Variants in FAM193A observed in about 807,000 individuals in gnomAD.
The protein encoded by FAM193A is family with sequence similarity 193 member A.
A neutral mutation model predicts 126.5 loss-of-function variants in FAM193A; 22 were observed. The observed-to-expected ratio is 0.17, with a 90% CI of 0.12 to 0.25. FAM193A has a LOEUF of 0.25. Among genes scored for constraint, FAM193A ranks in the 10% least tolerant of loss-of-function variants. The pLI is 1.00. For synonymous variants in FAM193A, 761 were observed against 646.8 expected (o/e 1.18, Z -2.68); for missense variants, 1,675 against 1,672.8 (o/e 1.00, Z -0.02).
intron 19 of FAM193A, chr4:2,708,134 G>A: frequency 2.2e-6 from 1 of 446,850 alleles, no homozygotes. Context: ...TTGTTTGTTT[G>A]TTTATTTCGA....
chr4:2,600,234 C>T (rs1274300059), intron 2 of FAM193A, among the ~76,000 whole-genome samples: 1 of 152,220 alleles, frequency 6.6e-6, no homozygotes, highest in African/African-American at 2.4e-5. Context: ...CCCTATCAGT[C>T]CATGGATTCC....
chr4:2,607,128 G>A (rs1352859443), intron 2 of FAM193A, among the ~76,000 whole-genome samples: 1 of 152,210 alleles, frequency 6.6e-6, no homozygotes, highest in East Asian at 1.9e-4. Flanking sequence ...AGAAATAAAT[G>A]CTCTGTGTAT....
At chr4:2,548,821 T>C (rs553208264) in intron 1 of FAM193A, among the ~76,000 whole-genome samples, 5 of 152,104 alleles carry the variant, frequency 3.3e-5, no homozygotes, top group South Asian at 2.1e-4. Flanking sequence ...ATTTTTTCTT[T>C]TGTGGATCAT....
At chr4:2,573,403 C>T (rs990129649) in intron 1 of FAM193A, among the ~76,000 whole-genome samples, 9 of 151,922 alleles carry the variant, frequency 5.9e-5, no homozygotes, top group African/African-American at 1.9e-4. Flanking sequence ...ATCCCAGCTA[C>T]TCTGGAGGCT....
chr4:2,678,615 G>A (rs932114846), intron 13 of FAM193A, among the ~76,000 whole-genome samples: 4 of 151,912 alleles, frequency 2.6e-5, no homozygotes, highest in Non-Finnish European at 2.9e-5. Flanking sequence ...CGCCCGCCTC[G>A]GCTTCCCAAA....
At chr4:2,724,146 A>G (rs1226666326) in intron 20 of FAM193A, among the ~76,000 whole-genome samples, 1 of 152,106 alleles carries the variant, frequency 6.6e-6, no homozygotes, top group Non-Finnish European at 1.5e-5. Flanking sequence ...GTGTATTACT[A>G]TTAATTGTAG....
At chr4:2,633,603 A>G (rs1350103270) in intron 5 of FAM193A, among the ~76,000 whole-genome samples, 1 of 151,750 alleles carries the variant, frequency 6.6e-6, no homozygotes, top group East Asian at 1.9e-4. Context: ...TAGATAATAA[A>G]AAAATAAGCC....
intron 2 of FAM193A, among the ~76,000 whole-genome samples, chr4:2,603,240 C>G (rs1016672445): frequency 2.0e-5 from 3 of 148,756 alleles, no homozygotes; most frequent in Admixed American, 1.3e-4. Context: ...CCACCTCGGC[C>G]TCCTGATTGC....
chr4:2,720,593 A>C (rs1720019735), intron 20 of FAM193A, among the ~76,000 whole-genome samples: 1 of 151,746 alleles, frequency 6.6e-6, no homozygotes, highest in South Asian at 2.1e-4. Context: ...CCAAGGCTAC[A>C]GTGAGCCAAG....
At chr4:2,579,620 G>A (rs1739806175) in intron 1 of FAM193A, among the ~76,000 whole-genome samples, 1 of 152,118 alleles carries the variant, frequency 6.6e-6, no homozygotes, top group African/African-American at 2.4e-5. Context: ...GATTGCTTAA[G>A]CTTGGGGAGT....
intron 7 of FAM193A, among the ~76,000 whole-genome samples, chr4:2,656,897 T>TGGCTCAC (rs1175469709): frequency 2.0e-5 from 3 of 152,228 alleles, no homozygotes; most frequent in Admixed American, 2.0e-4. Context: ...GCGGGCACAG[T>TGGCTCAC]GGCTCACGCT....
chr4:2,719,705 A>G (rs1394308367), intron 20 of FAM193A, among the ~76,000 whole-genome samples: 1 of 146,386 alleles, frequency 6.8e-6, no homozygotes, highest in African/African-American at 2.6e-5. Context: ...AGATTGCACC[A>G]TTGTACTCCA....
intron 1 of FAM193A, among the ~76,000 whole-genome samples, chr4:2,573,268 T>A (rs1739396317): frequency 6.6e-6 from 1 of 152,082 alleles, no homozygotes. Flanking sequence ...ATCCCAGCAC[T>A]TTGGGAGGCT....
At chr4:2,648,893 A>G (rs1398316530) in intron 7 of FAM193A, among the ~76,000 whole-genome samples, 1 of 151,776 alleles carries the variant, frequency 6.6e-6, no homozygotes. Flanking sequence ...CCAGGTCACC[A>G]CTCCCTGGGA....
At position 2,731,747 on chromosome 4, in the gene FAM193A, G is replaced by A. The variant is rs779626860; in HGVS notation, c.4455-28G>A. On this transcript the variant is annotated intron_variant, in intron 20 of 20. Transcript: ENST00000637812. ...GCTTGGTTGTGGGCTGTTTCCTTCAGTGACTGTTTGGCTTTTTGTCTTTGC... is the reference window on the plus strand; with the variant it reads ...GCTTGGTTGTGGGCTGTTTCCTTCAATGACTGTTTGGCTTTTTGTCTTTGC... 5.1e-6 allele frequency: 8 copies of A among 1,582,398 alleles called. No individual in the cohort carries two copies. In the African/African-American group the frequency reaches 9.4e-5, roughly 19 times the overall value.
In FAM193A at chr4:2,663,257, A is replaced by G. The variant is rs1712699865; in HGVS notation, c.2048A>G (p.Asp683Gly). Residue 683 changes from aspartate to glycine, a missense_variant, in exon 12 of 21, where the codon GAC (aspartate) becomes GGC (glycine). Physicochemically the swap from Asp to Gly is moderately conservative, Grantham distance 94 (BLOSUM62 -1). Around this residue, in one of 4 missense-constraint regions of FAM193A, gnomAD observed 1,186 missense variants for 1,109.2 expected, o/e 1.07. Transcript: ENST00000637812. ...RSPRTEESKA[D>G]SPPPSYPTQQ... Reference sequence around the variant, plus strand: ...CCCAGGACAGAGGAGAGCAAAGCAGACAGTCCACCCCCATCCTACCCAACA... The same window carrying G: ...CCCAGGACAGAGGAGAGCAAAGCAGGCAGTCCACCCCCATCCTACCCAACA... The G allele has an allele frequency of 6.2e-7, 1 of 1,611,576 alleles. No homozygotes were observed. The highest frequency in any genetic ancestry group is 8.5e-7 in the Non-Finnish European group (1 of 1,179,220).
intron 19 of FAM193A, among the ~76,000 whole-genome samples, chr4:2,713,480 C>A (rs1719219454): frequency 6.6e-6 from 1 of 152,118 alleles, no homozygotes; most frequent in African/African-American, 2.4e-5. Flanking sequence ...CTTGCATACC[C>A]CACTCATGCT....
At chr4:2,674,240 A>T (rs142253325) in intron 13 of FAM193A, among the ~76,000 whole-genome samples, 2 of 152,362 alleles carry the variant, frequency 1.3e-5, no homozygotes, top group South Asian at 2.1e-4. Flanking sequence ...GTCACTTACC[A>T]GGTCTTACAA....
intron 1 of FAM193A, among the ~76,000 whole-genome samples, chr4:2,549,269 T>C (rs914435376): frequency 6.6e-6 from 1 of 151,582 alleles, no homozygotes; most frequent in African/African-American, 2.4e-5. Context: ...GGAAAAAATA[T>C]TAATGTGAAT....
Sources: gnomAD v4.1 joint callset for allele counts (sites outside exome capture counted in the v4.1 genomes callset) on GRCh38, gnomAD v4.1.1 for gene constraint, gnomAD v4.1.1 regional missense constraint, MANE v1.5 for transcripts, NCBI Gene and HGNC (gene_info 2026-07-23, HGNC 2026-07-21) for gene names.